TCF7L1: variants seen among roughly 807,000 people sequenced by gnomAD.
TCF7L1 encodes transcription factor 7 like 1.
Under a neutral mutation model 63.7 loss-of-function variants are expected in TCF7L1, and 18 were observed. That is an observed-to-expected ratio of 0.28 (90% CI 0.20 to 0.42). The LOEUF is 0.42. Ranked by LOEUF, TCF7L1 falls within the 10% of genes least tolerant of loss-of-function variation. The probability of loss-of-function intolerance (pLI) is 1.00; values close to 1 mark genes in which losing one functional copy is unlikely to be tolerated. For missense variants in TCF7L1, 654 were observed against 779.3 expected (o/e 0.84, Z 1.91); for synonymous variants, 355 against 340.9 (o/e 1.04, Z -0.46).
intron 3 of TCF7L1, among the ~76,000 whole-genome samples, chr2:85,161,080 C>A (rs1678275214): frequency 6.6e-6 from 1 of 152,176 alleles, no homozygotes; most frequent in Admixed American, 6.5e-5. Context: ...TAAGGATTTA[C>A]CGTATGCCTT....
chr2:85,163,244 G>A (rs1678330816), intron 3 of TCF7L1, among the ~76,000 whole-genome samples: 1 of 152,200 alleles, frequency 6.6e-6, no homozygotes, highest in Non-Finnish European at 1.5e-5. Context: ...CTTCTAATAT[G>A]CAGCCAAGTT....
intron 4 of TCF7L1, among the ~76,000 whole-genome samples, chr2:85,288,143 G>A (rs182316384): frequency 8.5e-5 from 13 of 152,190 alleles, no homozygotes; most frequent in Non-Finnish European, 1.8e-4. Context: ...TGTTTAATTA[G>A]CAAAACTAAG....
intron 3 of TCF7L1, among the ~76,000 whole-genome samples, chr2:85,241,719 ATAGGCATGAGCCATCGGG>A (rs1680338077): frequency 6.6e-6 from 1 of 152,146 alleles, no homozygotes. Flanking sequence ...TGCTGGGATT[ATAGGCATGAGCCATCGGG>A]CCCAACCTGG....
At chr2:85,265,677 G>A (rs938385921) in intron 3 of TCF7L1, among the ~76,000 whole-genome samples, 2 of 152,106 alleles carry the variant, frequency 1.3e-5, no homozygotes, top group African/African-American at 4.8e-5. Context: ...GGTTGGGAAG[G>A]TTGTCAGGGG....
rs1678139414 is a variant in TCF7L1, at chr2:85,156,147, C to T, written c.441+21697C>T. 2.0e-5 allele frequency among the ~76,000 whole-genome samples: 3 copies of T among 152,288 alleles called. 1 individual carries two copies. The highest frequency in any genetic ancestry group is 6.8e-3 in the Middle Eastern group (2 of 294). ...GTCCCTCTTTGGAACTTCTGTGTTC[C>T]GTCTTCGTGATAATTGTTCATTTTT... On this transcript the variant is annotated intron_variant, in intron 3 of 11. Transcript: ENST00000282111.
chr2:85,187,178 C>T (rs1669012365), intron 3 of TCF7L1: 1 of 152,212 alleles, frequency 6.6e-6, no homozygotes, highest in Admixed American at 6.5e-5. Context: ...CATTTCACTT[C>T]CTTTTAGATC....
intron 3 of TCF7L1, among the ~76,000 whole-genome samples, chr2:85,268,425 T>C (rs1394554585): frequency 6.6e-6 from 1 of 151,864 alleles, no homozygotes; most frequent in African/African-American, 2.4e-5. Flanking sequence ...AATGATATGC[T>C]GTGCTTAAGG....
At chr2:85,250,397 C>T (rs768019126) in intron 3 of TCF7L1, among the ~76,000 whole-genome samples, 30 of 151,966 alleles carry the variant, frequency 2.0e-4, no homozygotes, top group African/African-American at 7.0e-4. Context: ...AAAAAGCACT[C>T]GGTAATATAT....
At chr2:85,247,481 GTTTTGAGAACC>G (rs1339579988) in intron 3 of TCF7L1, among the ~76,000 whole-genome samples, 2 of 152,210 alleles carry the variant, frequency 1.3e-5, no homozygotes, top group East Asian at 3.8e-4. Flanking sequence ...CAAGGTGAAT[GTTTTGAGAACC>G]TTTGCATCAA....
intron 3 of TCF7L1, among the ~76,000 whole-genome samples, chr2:85,258,098 C>A (rs1441332559): frequency 1.3e-5 from 2 of 152,184 alleles, no homozygotes; most frequent in African/African-American, 4.8e-5. Context: ...GGAAACCAGA[C>A]TAATGTTGTA....
chr2:85,138,247 G>A (rs185113634), intron 3 of TCF7L1, among the ~76,000 whole-genome samples: 12 of 152,232 alleles, frequency 7.9e-5, no homozygotes, highest in Admixed American at 2.0e-4. Flanking sequence ...CCTCAAACGC[G>A]TGCTCATTTT....
chr2:85,252,218 T>C (rs1352250956), intron 3 of TCF7L1, among the ~76,000 whole-genome samples: 1 of 152,164 alleles, frequency 6.6e-6, no homozygotes, highest in Non-Finnish European at 1.5e-5. Flanking sequence ...ACTGAGGCTA[T>C]GGGTGGTCCT....
chr2:85,268,886 T>C (rs1176726816), intron 3 of TCF7L1, among the ~76,000 whole-genome samples: 1 of 152,006 alleles, frequency 6.6e-6, no homozygotes, highest in Non-Finnish European at 1.5e-5. Flanking sequence ...GTGACCGACC[T>C]GGAGGAACGA....
chr2:85,221,719 C>T (rs970786605), intron 3 of TCF7L1, among the ~76,000 whole-genome samples: 4 of 152,224 alleles, frequency 2.6e-5, no homozygotes, highest in African/African-American at 9.6e-5. Flanking sequence ...CTTCTCAACA[C>T]TGTTGCATTA....
chr2:85,295,974 C>T lies in TCF7L1; in HGVS notation c.526-6510C>T, dbSNP rs1005256877. Among the ~76,000 whole-genome samples the T allele has an allele frequency of 7.2e-5, 11 of 151,940 alleles. No homozygotes were observed. The East Asian group carries it at 1.4e-3, about 19-fold the overall frequency. On this transcript the variant is annotated intron_variant, in intron 4 of 11. Transcript: ENST00000282111. The stretch of plus-strand genomic sequence containing the variant: ...TGTATTTTTAGTTGACACAGGATTT[C>T]GCCATGTTGGCCAGGCTGGTCTCAA...
intron 3 of TCF7L1, among the ~76,000 whole-genome samples, chr2:85,202,025 C>A (rs138626914): frequency 6.6e-6 from 1 of 151,902 alleles, no homozygotes; most frequent in African/African-American, 2.4e-5. Flanking sequence ...TGCAGTGGTG[C>A]GATCTCAGCT....
At chr2:85,271,902 G>A (rs1681160548) in intron 3 of TCF7L1, among the ~76,000 whole-genome samples, 1 of 152,196 alleles carries the variant, frequency 6.6e-6, no homozygotes, top group Non-Finnish European at 1.5e-5. Flanking sequence ...GATGAACTGA[G>A]AACAGGAGCA....
rs1320175006 is a variant in TCF7L1, at chr2:85,309,357, T to C, written c.1662T>C (p.Ala554=). The C allele has an allele frequency of 1.2e-6, 2 of 1,609,462 alleles. No homozygotes were observed. The highest frequency in any genetic ancestry group is 2.7e-5 in the African/African-American group (2 of 74,726). Residue 554 remains alanine, a synonymous_variant, in exon 12 of 12, where the codon GCT becomes GCC. Coordinates refer to ENST00000282111, the MANE Select transcript of TCF7L1 (RefSeq NM_031283.3). ...RPLPLGSMPT[A]LLASPPSFPA... ...TCCCCCTTGGGTCCATGCCCACAGCTCTGCTGGCCTCTCCCCCGTCCTTCC... is the reference window on the plus strand; with the variant it reads ...TCCCCCTTGGGTCCATGCCCACAGCCCTGCTGGCCTCTCCCCCGTCCTTCC...
At chr2:85,274,317 G>A (rs1005415135) in intron 3 of TCF7L1, among the ~76,000 whole-genome samples, 1 of 152,236 alleles carries the variant, frequency 6.6e-6, no homozygotes, top group Non-Finnish European at 1.5e-5. Context: ...CTTTGACATT[G>A]TTTGAAAGCC....
Sources: gnomAD v4.1 joint callset for allele counts (sites outside exome capture counted in the v4.1 genomes callset) on GRCh38, gnomAD v4.1.1 for gene constraint, MANE v1.5 for transcripts, NCBI Gene and HGNC (gene_info 2026-07-23, HGNC 2026-07-21) for gene names.